SLIT2: variants seen among roughly 807,000 people sequenced by gnomAD.
SLIT2 encodes slit guidance ligand 2, also known as slit homolog 2 protein.
Under a neutral mutation model 185.7 loss-of-function variants are expected in SLIT2, and 41 were observed. The observed-to-expected ratio is 0.22, with a 90% confidence interval of 0.17 to 0.29. The LOEUF is 0.29. Ranked by LOEUF, SLIT2 falls within the 10% of genes least tolerant of loss-of-function variation. SLIT2 has a pLI of 1.00. For synonymous variants in SLIT2, 693 were observed against 680.2 expected, an observed-to-expected ratio of 1.02 and a Z score of -0.29; for missense variants, 1,571 against 1,909.0, an observed-to-expected ratio of 0.82 and a Z score of 3.30.
intron 34 of SLIT2, among the ~76,000 whole-genome samples, chr4:20,614,002 G>A (rs1209210657): frequency 6.6e-6 from 1 of 152,116 alleles, no homozygotes; most frequent in African/African-American, 2.4e-5. Context: ...CTCCCAAGTA[G>A]CTGGGATTAC....
At chr4:20,318,754 CAT>C (rs1380946874) in intron 4 of SLIT2, among the ~76,000 whole-genome samples, 1 of 152,094 alleles carries the variant, frequency 6.6e-6, no homozygotes, top group Non-Finnish European at 1.5e-5. Context: ...AGTAACTTGA[CAT>C]GTTTCTTTAG....
intron 4 of SLIT2, among the ~76,000 whole-genome samples, chr4:20,444,900 C>G (rs1407793051): frequency 6.6e-6 from 1 of 152,180 alleles, no homozygotes; most frequent in African/African-American, 2.4e-5. Context: ...GCCTTTTTCT[C>G]TGTTACATAC....
At chr4:20,584,602 T>C (rs1726891098) in intron 29 of SLIT2, among the ~76,000 whole-genome samples, 1 of 152,248 alleles carries the variant, frequency 6.6e-6, no homozygotes, top group African/African-American at 2.4e-5. Flanking sequence ...AGTAGCATTT[T>C]ATCTCCCCTT....
intron 9 of SLIT2, among the ~76,000 whole-genome samples, chr4:20,502,392 G>T (rs1718822634): frequency 6.6e-6 from 1 of 152,178 alleles, no homozygotes; most frequent in Non-Finnish European, 1.5e-5. Flanking sequence ...ACTCAACAAA[G>T]ATTTCTGAGT....
rs1248393956 is a variant in SLIT2, at chr4:20,472,463, T to TATAG, written c.467+4642_467+4643insAGAT. ...ATATATATCTATATAGATATATCTA[T>TATAG]ATCTATATATAGATATATATCTATA... On this transcript the variant is annotated intron_variant, in intron 5 of 36. Coordinates refer to ENST00000504154, the MANE Select transcript of SLIT2 (RefSeq NM_004787.4). Among the ~76,000 whole-genome samples, 21 of 52,750 alleles carry TATAG rather than the reference T, an allele frequency of 4.0e-4. 5 individuals are homozygous for TATAG. The highest frequency in any genetic ancestry group is 5.2e-4 in the Non-Finnish European group (16 of 30,650). The allele number at this position is 52,750 out of a possible 152,430, so 34.6% of individuals were successfully genotyped here. A position where few individuals can be genotyped will look rare whatever the true frequency, so the allele number is the denominator to read the frequency against.
chr4:20,483,727 A>T (rs1716933950), intron 6 of SLIT2, among the ~76,000 whole-genome samples: 1 of 152,080 alleles, frequency 6.6e-6, no homozygotes, highest in Admixed American at 6.6e-5. Context: ...ATACATCAAG[A>T]TGTCTTTTGT....
Position 20,511,587 on chromosome 4 carries a change from A to ATTTTTTTTTTTTTTTTTTTTTTT in SLIT2, c.1058+466_1058+467insTTTTTTTTTTTTTTTTTTTTTTT, listed in dbSNP as rs759622666. Reference sequence around the variant, plus strand: ...AGGCGCCTGCCACCACATCCAGCTAATTTTTTTTTTTTTTTTATTTTTGGT... The same window carrying ATTTTTTTTTTTTTTTTTTTTTTT: ...AGGCGCCTGCCACCACATCCAGCTAATTTTTTTTTTTTTTTTTTTTTTTTTTTTTTTTTTTTTTTATTTTTGGT... On this transcript the variant is annotated intron_variant, in intron 11 of 36. Transcript: ENST00000504154. Among the ~76,000 whole-genome samples the ATTTTTTTTTTTTTTTTTTTTTTT allele has an allele frequency of 1.2e-3, 98 of 82,170 alleles. 5 individuals carry two copies. Among genetic ancestry groups the ATTTTTTTTTTTTTTTTTTTTTTT allele is most frequent in the Non-Finnish European group, 1.6e-3 (71 of 45,242 alleles). The allele number at this position is 82,170 out of a possible 152,430, so 53.9% of individuals were successfully genotyped here. A position where few individuals can be genotyped will look rare whatever the true frequency, so the allele number is the denominator to read the frequency against.
chr4:20,529,593 A>T (rs755827418), intron 16 of SLIT2, among the ~76,000 whole-genome samples: 2 of 152,218 alleles, frequency 1.3e-5, no homozygotes, highest in Admixed American at 6.5e-5. Flanking sequence ...TAGAAAGGAT[A>T]GCTTTTTCTG....
intron 4 of SLIT2, among the ~76,000 whole-genome samples, chr4:20,311,395 C>G (rs780732641): frequency 6.6e-6 from 1 of 152,046 alleles, no homozygotes; most frequent in Non-Finnish European, 1.5e-5. Context: ...TGTTGAATTT[C>G]TTTACATTTT....
In SLIT2 at chr4:20,389,231, G is replaced by T. The variant is rs185101079; in HGVS notation, c.396-78521G>T. On this transcript the variant is annotated intron_variant, in intron 4 of 36. Transcript: ENST00000504154. Reference sequence around the variant, plus strand: ...AATATGTTATTGTAATTATTATAGGGTATTATTATCATCAATATATTATTG... The same window carrying T: ...AATATGTTATTGTAATTATTATAGGTTATTATTATCATCAATATATTATTG... 5.6e-4 allele frequency among the ~76,000 whole-genome samples: 85 copies of T among 151,542 alleles called. No individual in the cohort carries two copies. The South Asian group carries it at 0.014, about 25-fold the overall frequency.
At chr4:20,422,653 A>T (rs967562301) in intron 4 of SLIT2, among the ~76,000 whole-genome samples, 8 of 152,218 alleles carry the variant, frequency 5.3e-5, no homozygotes, top group Middle Eastern at 3.4e-3. Context: ...AGATGGTCTG[A>T]TCAGGGCAAG....
chr4:20,278,026 A>C (rs749438202), intron 4 of SLIT2, among the ~76,000 whole-genome samples: 2 of 151,998 alleles, frequency 1.3e-5, no homozygotes, highest in Non-Finnish European at 2.9e-5. Context: ...CTATCTTTAA[A>C]GTTTACATCT....
chr4:20,475,663 G>A (rs1169952714), intron 5 of SLIT2, among the ~76,000 whole-genome samples: 4 of 151,966 alleles, frequency 2.6e-5, no homozygotes, highest in Non-Finnish European at 4.4e-5. Context: ...ATAAGATGAC[G>A]TATCTACAGA....
intron 29 of SLIT2, among the ~76,000 whole-genome samples, chr4:20,585,296 A>T (rs910128062): frequency 1.3e-5 from 2 of 152,200 alleles, no homozygotes; most frequent in Admixed American, 6.5e-5. Flanking sequence ...CACAACCAAC[A>T]TATATACGTA....
intron 5 of SLIT2, among the ~76,000 whole-genome samples, chr4:20,478,904 TGTAA>T (rs1399741405): frequency 2.0e-5 from 3 of 152,200 alleles, no homozygotes; most frequent in African/African-American, 7.2e-5. Context: ...TGCTCAAGAA[TGTAA>T]GTGTTTTCTT....
At chr4:20,595,379 G>A (rs1423730915) in intron 30 of SLIT2, among the ~76,000 whole-genome samples, 1 of 152,008 alleles carries the variant, frequency 6.6e-6, no homozygotes, top group African/African-American at 2.4e-5. Flanking sequence ...CAAACAAAAT[G>A]GGGAAAAAGA....
intron 4 of SLIT2, among the ~76,000 whole-genome samples, chr4:20,347,612 C>G (rs982150542): frequency 1.1e-4 from 17 of 152,130 alleles, no homozygotes; most frequent in African/African-American, 4.1e-4. Context: ...AGAGTTTTGC[C>G]TTTTATAAAT....
At chr4:20,472,461 T>G (rs1328012882) in intron 5 of SLIT2, among the ~76,000 whole-genome samples, 10 of 61,050 alleles carry the variant, frequency 1.6e-4, no homozygotes, top group African/African-American at 6.2e-4. Context: ...TAGATATATC[T>G]ATATCTATAT....
chr4:20,359,392 G>A (rs1722572421), intron 4 of SLIT2, among the ~76,000 whole-genome samples: 1 of 152,012 alleles, frequency 6.6e-6, no homozygotes, highest in Non-Finnish European at 1.5e-5. Flanking sequence ...GGCTTTGCAT[G>A]GCATGAGAAG....
Sources: gnomAD v4.1 joint callset for allele counts (sites outside exome capture counted in the v4.1 genomes callset) on GRCh38, gnomAD v4.1.1 for gene constraint, MANE v1.5 for transcripts, NCBI Gene and HGNC (gene_info 2026-07-23, HGNC 2026-07-21) for gene names.